Variants in COL4A1 observed in about 807,000 individuals in gnomAD.
The protein encoded by COL4A1 is collagen alpha-1(IV) chain.
Under a neutral mutation model 216.6 loss-of-function variants are expected in COL4A1, and 40 were observed. The observed-to-expected ratio is 0.18, with a 90% CI of 0.14 to 0.24. The LOEUF is 0.24. Ranked by LOEUF, COL4A1 falls within the 10% of genes least tolerant of loss-of-function variation. The pLI is 1.00. For missense variants in COL4A1, 1,628 were observed against 2,196.8 expected, an observed-to-expected ratio of 0.74 and a Z score of 5.18; for synonymous variants, 839 against 810.7, an observed-to-expected ratio of 1.03 and a Z score of -0.59.
intron 2 of COL4A1, among the ~76,000 whole-genome samples, chr13:110,235,937 A>G (rs1352377188): frequency 6.6e-6 from 1 of 152,184 alleles, no homozygotes; most frequent in African/African-American, 2.4e-5. Context: ...ATATTTATAA[A>G]TTGAAGATTA....
At chr13:110,170,233 G>T (rs1252835032) in intron 42 of COL4A1, among the ~76,000 whole-genome samples, 1 of 152,142 alleles carries the variant, frequency 6.6e-6, no homozygotes, top group Admixed American at 6.6e-5. Context: ...CCACTACGGG[G>T]GTCTTCACCA....
intron 2 of COL4A1, among the ~76,000 whole-genome samples, chr13:110,234,651 A>G (rs567834337): frequency 6.6e-6 from 1 of 152,318 alleles, no homozygotes; most frequent in South Asian, 2.1e-4. Flanking sequence ...CGCAGCACCC[A>G]CGGAAGGTCC....
At position 110,252,447 on chromosome 13, in the gene COL4A1, ATATGTATTATATACATATAATTATATG is replaced by A. The variant is rs1374967528; in HGVS notation, c.85-9740_85-9714del. Among the ~76,000 whole-genome samples, 20 of 74,230 alleles carry A rather than the reference ATATGTATTATATACATATAATTATATG, an allele frequency of 2.7e-4. No homozygotes were observed. The South Asian group carries it at 7.8e-3, about 29-fold the overall frequency. 48.7% of individuals were successfully genotyped at this position (74,230 alleles called of 152,430 possible). ...GTATTATATATGTATAATTATACGT[ATATGTATTATATACATATAATTATATG>A]TATTATATATACGTATAATTATACG... On this transcript the variant is annotated intron_variant, in intron 1 of 51. Coordinates refer to ENST00000375820, the MANE Select transcript of COL4A1 (RefSeq NM_001845.6).
chr13:110,150,876 A>G (rs1354408385), intron 51 of COL4A1, among the ~76,000 whole-genome samples: 1 of 152,224 alleles, frequency 6.6e-6, no homozygotes, highest in Admixed American at 6.5e-5. Flanking sequence ...CACACACAGT[A>G]AGTATTCATT....
chr13:110,178,375 G>A (rs545762290), intron 31 of COL4A1, 144 bp from the exon 32 acceptor site: 36 of 989,238 alleles, frequency 3.6e-5, no homozygotes, highest in East Asian at 7.7e-5. Context: ...TCTGTTAGGT[G>A]TTGGTGTTTG....
chr13:110,176,600 C>T, intron 35 of COL4A1, 26 bp downstream of exon 35: 1 of 1,605,912 alleles, frequency 6.2e-7, no homozygotes, highest in Non-Finnish European at 8.5e-7. Context: ...CCTTGCCACA[C>T]TGGGGACCGG....
intron 50 of COL4A1, among the ~76,000 whole-genome samples, chr13:110,154,109 G>A (rs1876649518): frequency 6.6e-6 from 1 of 152,206 alleles, no homozygotes; most frequent in Admixed American, 6.5e-5. Flanking sequence ...GTTCATCTGT[G>A]GGTCAAATGT....
intron 1 of COL4A1, among the ~76,000 whole-genome samples, chr13:110,269,056 G>GAA (rs934197150): frequency 4.6e-5 from 7 of 152,234 alleles, no homozygotes; most frequent in Non-Finnish European, 1.0e-4. Context: ...GAGCCACTTG[G>GAA]AAAAGTGCCA....
At chr13:110,291,534 C>T (rs968623773) in intron 1 of COL4A1, among the ~76,000 whole-genome samples, 1 of 152,180 alleles carries the variant, frequency 6.6e-6, no homozygotes, top group Admixed American at 6.5e-5. Context: ...CTCAGCCCTG[C>T]GAGGCTGGCC....
chr13:110,263,550 C>T (rs1409986022), intron 1 of COL4A1, among the ~76,000 whole-genome samples: 1 of 152,150 alleles, frequency 6.6e-6, no homozygotes, highest in Non-Finnish European at 1.5e-5. Flanking sequence ...AACTCCTGGA[C>T]TCATGCGATC....
intron 12 of COL4A1, among the ~76,000 whole-genome samples, chr13:110,208,158 G>T (rs1007549381): frequency 6.6e-6 from 1 of 152,186 alleles, no homozygotes; most frequent in African/African-American, 2.4e-5. Flanking sequence ...TCCCTTCTTA[G>T]CCAGTGCCTG....
intron 21 of COL4A1, among the ~76,000 whole-genome samples, chr13:110,196,567 T>C (rs1406384515): frequency 6.6e-6 from 1 of 151,516 alleles, no homozygotes; most frequent in East Asian, 1.9e-4. Context: ...CAGAATCCCT[T>C]CAAATCCCTG....
chr13:110,173,699 G>T (rs1011979685), intron 40 of COL4A1, among the ~76,000 whole-genome samples: 1 of 152,056 alleles, frequency 6.6e-6, no homozygotes, highest in African/African-American at 2.4e-5. Flanking sequence ...GTATTTATGG[G>T]ATAATAAATA....
intron 1 of COL4A1, among the ~76,000 whole-genome samples, chr13:110,296,432 C>T (rs1376789381): frequency 3.9e-5 from 6 of 152,188 alleles, no homozygotes; most frequent in Admixed American, 1.3e-4. Context: ...AAAGATACTT[C>T]ATAGTTTTAA....
intron 2 of COL4A1, 132 bp downstream of exon 2, chr13:110,242,543 T>C: frequency 9.9e-7 from 1 of 1,011,932 alleles, no homozygotes; most frequent in Non-Finnish European, 1.6e-6. Flanking sequence ...GCTTCATTTG[T>C]ATTGCTCTGG....
At chr13:110,287,830 C>T (rs1177979313) in intron 1 of COL4A1, among the ~76,000 whole-genome samples, 1 of 152,176 alleles carries the variant, frequency 6.6e-6, no homozygotes, top group Admixed American at 6.5e-5. Flanking sequence ...ACCTGCAGCA[C>T]AGGAAGCACA....
At chr13:110,188,092 T>C (rs573954976) in intron 24 of COL4A1, among the ~76,000 whole-genome samples, 9 of 152,310 alleles carry the variant, frequency 5.9e-5, no homozygotes, top group Middle Eastern at 6.8e-3. Context: ...TACCCACCAA[T>C]GGCTTCTCCT....
chr13:110,304,294 T>A (rs140951369), intron 1 of COL4A1, among the ~76,000 whole-genome samples: 2 of 152,220 alleles, frequency 1.3e-5, no homozygotes, highest in Non-Finnish European at 2.9e-5. Context: ...TCCATACTTA[T>A]ATGGGAATGA....
chr13:110,245,053 G>A (rs939516848), intron 1 of COL4A1, among the ~76,000 whole-genome samples: 4 of 152,102 alleles, frequency 2.6e-5, no homozygotes, highest in South Asian at 2.1e-4. Context: ...GTGGCACCGC[G>A]CACCTCAACC....
Sources: allele counts gnomAD v4.1 joint callset (sites outside exome capture counted in the v4.1 genomes callset), GRCh38; gene constraint gnomAD v4.1.1; transcripts MANE v1.5; gene names NCBI Gene and HGNC (gene_info 2026-07-23, HGNC 2026-07-21).